The following TUSC3 variants were observed in gnomAD, a reference collection of about 807,000 sequenced individuals.
The protein encoded by TUSC3 is dolichyl-diphosphooligosaccharide--protein glycosyltransferase subunit TUSC3.
In TUSC3, 45 loss-of-function variants were observed where a neutral mutation model predicts 44.8. The observed-to-expected ratio is 1.00, with a 90% CI of 0.79 to 1.29. The LOEUF is 1.29. Ranked by LOEUF, TUSC3 falls within the 50% of genes most tolerant of loss-of-function variation. The probability of loss-of-function intolerance (pLI) is 0.00; values close to 1 mark genes in which losing one functional copy is unlikely to be tolerated. For synonymous variants in TUSC3, 212 were observed against 152.9 expected (o/e 1.39, Z -2.85); for missense variants, 519 against 437.9 (o/e 1.19, Z -1.65).
chr8:15,778,344 G>T, the TUSC3 span, among the ~76,000 whole-genome samples: 5 of 152,032 alleles, frequency 3.3e-5, no homozygotes, highest in Admixed American at 6.6e-5. Flanking sequence ...TTAGGGTCCT[G>T]GGAAAAACAG....
chr8:15,657,208 G>A (rs1230128674), intron 3 of TUSC3, among the ~76,000 whole-genome samples: 3 of 151,984 alleles, frequency 2.0e-5, no homozygotes, highest in Non-Finnish European at 4.4e-5. Flanking sequence ...GTTTTTTATT[G>A]TTTACATAGC....
At chr8:15,594,820 A>T (rs537830351) in intron 1 of TUSC3, among the ~76,000 whole-genome samples, 35 of 152,286 alleles carry the variant, frequency 2.3e-4, no homozygotes, top group African/African-American at 7.9e-4. Flanking sequence ...CATAAGACAG[A>T]TTCATGACTT....
chr8:15,595,275 T>G (rs894610367), intron 1 of TUSC3, among the ~76,000 whole-genome samples: 24 of 152,188 alleles, frequency 1.6e-4, no homozygotes, highest in African/African-American at 5.8e-4. Context: ...CAGCTGAATA[T>G]TCAAGGGGAA....
At chr8:15,582,154 G>A (rs1040409943) in intron 1 of TUSC3, among the ~76,000 whole-genome samples, 6 of 152,178 alleles carry the variant, frequency 3.9e-5, no homozygotes, top group African/African-American at 1.2e-4. Flanking sequence ...GCAATGCCTC[G>A]CCCTGCTTCG....
the TUSC3 span, among the ~76,000 whole-genome samples, chr8:15,781,169 C>G: frequency 6.6e-6 from 1 of 152,188 alleles, no homozygotes; most frequent in Non-Finnish European, 1.5e-5. Flanking sequence ...AGGGTGCTGT[C>G]TGAGCACAGG....
chr8:15,796,430 T>G, the TUSC3 span, among the ~76,000 whole-genome samples: 63 of 152,144 alleles, frequency 4.1e-4, 1 homozygote, highest in African/African-American at 1.5e-3. Context: ...AGCCTAAGAG[T>G]CAATAAAAAT....
intron 1 of TUSC3, among the ~76,000 whole-genome samples, chr8:15,481,309 C>T (rs963704518): frequency 4.0e-5 from 6 of 151,504 alleles, no homozygotes; most frequent in African/African-American, 7.3e-5. Flanking sequence ...AAGGCTCTGC[C>T]GTCATCAATG....
At chr8:15,624,904 G>T (rs1322775029) in intron 2 of TUSC3, among the ~76,000 whole-genome samples, 2 of 150,750 alleles carry the variant, frequency 1.3e-5, no homozygotes, top group Non-Finnish European at 3.0e-5. Context: ...TTTTTTTTCT[G>T]AAAATTTTCT....
chr8:15,651,596 A>G (rs11777115), intron 3 of TUSC3, among the ~76,000 whole-genome samples: 32,795 of 152,158 alleles, frequency 0.22, 4,243 homozygotes, highest in Non-Finnish European at 0.3. Flanking sequence ...GAAAAGGGGC[A>G]TGTTAGAACA....
chr8:15,448,050 C>A (rs1800130444), intron 1 of TUSC3, among the ~76,000 whole-genome samples: 1 of 147,020 alleles, frequency 6.8e-6, no homozygotes, highest in East Asian at 2.0e-4. Context: ...TATCACACAG[C>A]ACAGATATAA....
the TUSC3 span, among the ~76,000 whole-genome samples, chr8:15,791,432 G>C: frequency 6.6e-6 from 1 of 152,092 alleles, no homozygotes. Flanking sequence ...TAATTTATAT[G>C]CATAGCTCTG....
At chr8:15,464,913 G>A (rs1987903) in intron 1 of TUSC3, among the ~76,000 whole-genome samples, 19,157 of 152,052 alleles carry the variant, frequency 0.13, 1,637 homozygotes, top group East Asian at 0.32. Flanking sequence ...GCAATGGTGT[G>A]ATCTTGGCTC....
intron 1 of TUSC3, among the ~76,000 whole-genome samples, chr8:15,457,773 C>G (rs1022086330): frequency 1.6e-4 from 24 of 145,800 alleles, no homozygotes; most frequent in African/African-American, 4.2e-4. Context: ...ATTAGATAAT[C>G]TAATAAATTA....
intron 1 of TUSC3, among the ~76,000 whole-genome samples, chr8:15,591,073 T>C (rs769373097): frequency 2.0e-5 from 3 of 152,174 alleles, no homozygotes; most frequent in Admixed American, 1.3e-4. Context: ...GCTTGGCATA[T>C]AGGAGGTGGT....
intron 1 of TUSC3, among the ~76,000 whole-genome samples, chr8:15,601,374 C>T (rs1490221346): frequency 6.6e-6 from 1 of 151,576 alleles, no homozygotes; most frequent in African/African-American, 2.4e-5. Flanking sequence ...TCTAAAGCAA[C>T]GGGTTTATAG....
chr8:15,589,434 T>C (rs760399034), intron 1 of TUSC3, among the ~76,000 whole-genome samples: 1 of 152,136 alleles, frequency 6.6e-6, no homozygotes, highest in Non-Finnish European at 1.5e-5. Flanking sequence ...TTTTGGTAAA[T>C]TGATCAATTC....
At chr8:15,607,076 T>G (rs1287591963) in intron 1 of TUSC3, among the ~76,000 whole-genome samples, 6 of 152,122 alleles carry the variant, frequency 3.9e-5, no homozygotes, top group Non-Finnish European at 8.8e-5. Context: ...GCTTTTACCC[T>G]GTGCTGTTCT....
intron 1 of TUSC3, among the ~76,000 whole-genome samples, chr8:15,615,028 AG>A (rs1804931899): frequency 6.6e-6 from 1 of 152,048 alleles, no homozygotes; most frequent in Admixed American, 6.6e-5. Flanking sequence ...GAATTAGTAC[AG>A]CCATTATGGA....
chr8:15,651,200 G>A (rs534207212), intron 3 of TUSC3, among the ~76,000 whole-genome samples: 145 of 152,180 alleles, frequency 9.5e-4, no homozygotes, highest in African/African-American at 3.3e-3. Context: ...GCATGCAGTC[G>A]CAGTTTACAT....
Sources: gnomAD v4.1 joint callset for allele counts (sites outside exome capture counted in the v4.1 genomes callset) on GRCh38, gnomAD v4.1.1 for gene constraint, MANE v1.5 for transcripts, NCBI Gene and HGNC (gene_info 2026-07-23, HGNC 2026-07-21) for gene names.